Variants in COL4A6 observed in about 807,000 individuals in gnomAD.
COL4A6 encodes the protein collagen alpha-6(IV) chain.
A neutral mutation model predicts 126.7 loss-of-function variants in COL4A6; 59 were observed. That is an observed-to-expected ratio of 0.47 (90% CI 0.38 to 0.58). The LOEUF (loss-of-function observed/expected upper bound fraction) is 0.58. Among genes scored for constraint, COL4A6 ranks in the 20% least tolerant of loss-of-function variants. The pLI, the probability that COL4A6 is intolerant of heterozygous loss-of-function variation, is 0.00. For synonymous variants in COL4A6, 547 were observed against 496.6 expected, an observed-to-expected ratio of 1.10 and a Z score of -1.35; for missense variants, 1,285 against 1,337.3, an observed-to-expected ratio of 0.96 and a Z score of 0.61.
intron 2 of COL4A6, among the ~76,000 whole-genome samples, chrX:108,430,440 A>T (rs1413067634): frequency 2.7e-5 from 3 of 111,927 alleles, no homozygotes; most frequent in Non-Finnish European, 5.6e-5. Flanking sequence ...ACCAAGTAGT[A>T]TGCATTTTAT....
At chrX:108,429,915 C>T (rs1443293155) in intron 2 of COL4A6, among the ~76,000 whole-genome samples, 3 of 111,428 alleles carry the variant, frequency 2.7e-5, no homozygotes, top group South Asian at 3.8e-4. Context: ...CAGTTTGTTG[C>T]GAGCCATTAG....
chrX:108,279,616 T>C (rs150482945), intron 3 of COL4A6, among the ~76,000 whole-genome samples: 190 of 111,444 alleles, frequency 1.7e-3, no homozygotes, highest in Middle Eastern at 4.6e-3. Context: ...TACCCAGGAA[T>C]TGAACTCAGC....
chrX:108,361,339 T>G (rs1324196916), intron 2 of COL4A6, among the ~76,000 whole-genome samples: 2 of 110,637 alleles, frequency 1.8e-5, no homozygotes, highest in African/African-American at 6.6e-5. Context: ...GAGAGAGAAA[T>G]AAAAGGATAG....
At chrX:108,286,699 G>T (rs1205246788) in intron 3 of COL4A6, among the ~76,000 whole-genome samples, 1 of 111,005 alleles carries the variant, frequency 9.0e-6, no homozygotes, top group African/African-American at 3.3e-5. Flanking sequence ...AGCCTCCCAA[G>T]AATCTGGGAC....
intron 2 of COL4A6, among the ~76,000 whole-genome samples, chrX:108,345,379 T>C (rs1417693601): frequency 1.8e-5 from 2 of 111,843 alleles, no homozygotes; most frequent in Non-Finnish European, 3.8e-5. Context: ...AGTCATCTTC[T>C]GGAACTGACA....
intron 2 of COL4A6, among the ~76,000 whole-genome samples, chrX:108,411,893 C>T (rs2041338965): frequency 9.1e-6 from 1 of 110,173 alleles, no homozygotes; most frequent in African/African-American, 3.3e-5. Context: ...GGAGGGGTTG[C>T]TCGGTGTTGA....
At chrX:108,249,436 A>G (rs2036796521) in intron 3 of COL4A6, among the ~76,000 whole-genome samples, 1 of 111,825 alleles carries the variant, frequency 8.9e-6, no homozygotes, top group Non-Finnish European at 1.9e-5. Context: ...AAGAGTAAAA[A>G]GCCTGAGCAA....
At chrX:108,272,108 C>A (rs2037466853) in intron 3 of COL4A6, among the ~76,000 whole-genome samples, 1 of 111,448 alleles carries the variant, frequency 9.0e-6, no homozygotes, top group Admixed American at 9.5e-5. Flanking sequence ...AGGTCCATCT[C>A]CAGATCTGTC....
intron 2 of COL4A6, among the ~76,000 whole-genome samples, chrX:108,321,349 GT>G (rs966884946): frequency 1.8e-5 from 2 of 110,791 alleles, no homozygotes; most frequent in Middle Eastern, 9.3e-3. Flanking sequence ...GTTTCATTTT[GT>G]TTTTTGTTTT....
chrX:108,366,932 A>T lies in COL4A6; in HGVS notation c.64-56104T>A, dbSNP rs771900226. 1.1e-3 allele frequency among the ~76,000 whole-genome samples: 127 copies of T among 112,218 alleles called. 1 individual carries two copies. Among genetic ancestry groups the T allele is most frequent in the Non-Finnish European group, 3.0e-4 (16 of 53,213 alleles). ...AGTTGCAAACAATGTGTTTGGCCACATTGGAATTAAGTGGGTTAAAATTCC... is the reference window on the plus strand; with the variant it reads ...AGTTGCAAACAATGTGTTTGGCCACTTTGGAATTAAGTGGGTTAAAATTCC... On this transcript the variant is annotated intron_variant, in intron 2 of 44. Coordinates refer to ENST00000334504, the MANE Select transcript of COL4A6 (RefSeq NM_033641.4).
At chrX:108,404,662 T>C (rs2041166764) in intron 2 of COL4A6, among the ~76,000 whole-genome samples, 1 of 111,846 alleles carries the variant, frequency 8.9e-6, no homozygotes, top group South Asian at 3.7e-4. Context: ...TAGCAAAATA[T>C]TTAAAAATCT....
At chrX:108,186,947 T>C (rs1180105818) in intron 23 of COL4A6, 149 bp downstream of exon 23, 3 of 463,262 alleles carry the variant, frequency 6.5e-6, no homozygotes, top group Non-Finnish European at 1.0e-5. Flanking sequence ...TATAATACTT[T>C]TTTTCACATG....
At chrX:108,283,555 T>C (rs1260368933) in intron 3 of COL4A6, among the ~76,000 whole-genome samples, 1 of 95,420 alleles carries the variant, frequency 1.0e-5, no homozygotes, top group Admixed American at 1.3e-4. Flanking sequence ...CATTCTCCTT[T>C]GGCCAGAGGG....
chrX:108,285,757 T>C (rs2037988802), intron 3 of COL4A6, among the ~76,000 whole-genome samples: 1 of 111,811 alleles, frequency 8.9e-6, no homozygotes, highest in Non-Finnish European at 1.9e-5. Context: ...GGCATCCACT[T>C]TGGCATTATG....
intron 2 of COL4A6, among the ~76,000 whole-genome samples, chrX:108,356,669 A>T (rs2039967531): frequency 1.8e-5 from 2 of 112,199 alleles, no homozygotes; most frequent in Non-Finnish European, 3.8e-5. Flanking sequence ...ACAGTGTAAG[A>T]ATATTAGCCC....
intron 2 of COL4A6, among the ~76,000 whole-genome samples, chrX:108,417,117 G>T (rs1208691511): frequency 9.0e-6 from 1 of 111,473 alleles, no homozygotes; most frequent in Non-Finnish European, 1.9e-5. Flanking sequence ...ATGAAGTATT[G>T]ATACTGCAAT....
intron 20 of COL4A6, 86 bp from the exon 21 acceptor site, chrX:108,188,763 A>G (rs2034950439): frequency 1.1e-6 from 1 of 917,757 alleles, no homozygotes; most frequent in Non-Finnish European, 1.4e-6. Context: ...TGTGACTTGA[A>G]CAACTCCATA....
At chrX:108,323,399 T>C (rs777420845) in intron 2 of COL4A6, among the ~76,000 whole-genome samples, 4 of 111,951 alleles carry the variant, frequency 3.6e-5, no homozygotes, top group African/African-American at 6.5e-5. Context: ...AGAAGTATCA[T>C]TGGAGAAGAT....
chrX:108,432,894 A>G (rs1364726704), intron 2 of COL4A6, among the ~76,000 whole-genome samples: 1 of 111,893 alleles, frequency 8.9e-6, no homozygotes, highest in Admixed American at 9.4e-5. Flanking sequence ...GGGGATAAAG[A>G]AGTATCAGAG....
Sources: allele counts gnomAD v4.1 joint callset (sites outside exome capture counted in the v4.1 genomes callset), GRCh38; gene constraint gnomAD v4.1.1; transcripts MANE v1.5; gene names NCBI Gene and HGNC (gene_info 2026-07-23, HGNC 2026-07-21).